PINX1: variants seen among roughly 807,000 people sequenced by gnomAD.
The protein encoded by PINX1 is PIN2/TERF1-interacting telomerase inhibitor 1.
PINX1 carries 34 observed loss-of-function variants against 25.4 expected under a neutral mutation model. The ratio of observed to expected loss-of-function variants is 1.34; its 90% CI spans 1.02 to 1.78. The LOEUF (loss-of-function observed/expected upper bound fraction) is 1.78. PINX1 is among the 40% of genes most tolerant of loss of function. The pLI, the probability that PINX1 is intolerant of heterozygous loss-of-function variation, is 0.00. For missense variants in PINX1, 592 were observed against 404.9 expected, an observed-to-expected ratio of 1.46 and a Z score of -3.97; for synonymous variants, 197 against 147.7, an observed-to-expected ratio of 1.33 and a Z score of -2.42.
chr8:10,803,290 C>T (rs998977701), intron 6 of PINX1, among the ~76,000 whole-genome samples: 2 of 152,210 alleles, frequency 1.3e-5, no homozygotes, highest in African/African-American at 4.8e-5. Context: ...AATTTCCTTA[C>T]ACAATCACAG....
intron 2 of PINX1, among the ~76,000 whole-genome samples, chr8:10,834,024 T>C (rs1178549578): frequency 1.3e-5 from 2 of 152,074 alleles, no homozygotes; most frequent in African/African-American, 4.8e-5. Context: ...TATAGAAAAA[T>C]GACAGTTCCC....
At chr8:10,785,182 A>G (rs185466048) in intron 6 of PINX1, among the ~76,000 whole-genome samples, 1 of 152,358 alleles carries the variant, frequency 6.6e-6, no homozygotes, top group East Asian at 1.9e-4. Flanking sequence ...ATTATATAAG[A>G]TTACAATTTA....
chr8:10,825,957 C>T (rs149080761), intron 5 of PINX1, among the ~76,000 whole-genome samples, 195 bp downstream of exon 5: 1 of 152,356 alleles, frequency 6.6e-6, no homozygotes, highest in East Asian at 1.9e-4. Context: ...CATCTCAGAT[C>T]TCCTAGATCT....
chr8:10,831,436 A>C (rs1260439421), intron 4 of PINX1, among the ~76,000 whole-genome samples: 1 of 152,238 alleles, frequency 6.6e-6, no homozygotes, highest in African/African-American at 2.4e-5. Context: ...AGAAGAACAG[A>C]TTTTAAATGC....
chr8:10,780,864 A>G (rs1336660055), intron 6 of PINX1, among the ~76,000 whole-genome samples: 3 of 152,226 alleles, frequency 2.0e-5, no homozygotes, highest in African/African-American at 7.2e-5. Flanking sequence ...TCTAAAATCC[A>G]CATGGAACCA....
intron 6 of PINX1, among the ~76,000 whole-genome samples, chr8:10,810,624 C>T (rs1378616743): frequency 1.3e-5 from 2 of 152,150 alleles, no homozygotes; most frequent in Non-Finnish European, 2.9e-5. Context: ...ACGGGGATCC[C>T]AGTCTCCTAA....
rs74924075 is a variant in PINX1, at chr8:10,803,364, G to C, written c.471+16829C>G. ...TGGCATCTAATGCGATCTATCATCAGTTTCCTCACCAGCTCATGGACGTCT... is the reference window on the plus strand; with the variant it reads ...TGGCATCTAATGCGATCTATCATCACTTTCCTCACCAGCTCATGGACGTCT... On this transcript the variant is annotated intron_variant, in intron 6 of 6. Coordinates refer to ENST00000314787, the MANE Select transcript of PINX1 (RefSeq NM_017884.6). Among the ~76,000 whole-genome samples the C allele has an allele frequency of 1.1e-3, 172 of 152,300 alleles. 2 individuals are homozygous for C. The East Asian group carries it at 0.029, about 26-fold the overall frequency.
intron 6 of PINX1, among the ~76,000 whole-genome samples, chr8:10,818,959 T>A (rs989203986): frequency 2.6e-5 from 4 of 151,976 alleles, no homozygotes; most frequent in African/African-American, 9.7e-5. Context: ...AGGGCAGAGG[T>A]ACAACCAGAA....
At chr8:10,780,076 C>T (rs915143713) in intron 6 of PINX1, among the ~76,000 whole-genome samples, 1 of 152,168 alleles carries the variant, frequency 6.6e-6, no homozygotes, top group Admixed American at 6.5e-5. Flanking sequence ...ATCATGTATC[C>T]TGCAACTTTA....
At chr8:10,783,003 C>A (rs1219183063) in intron 6 of PINX1, among the ~76,000 whole-genome samples, 1 of 151,994 alleles carries the variant, frequency 6.6e-6, no homozygotes, top group Non-Finnish European at 1.5e-5. Context: ...AACACACATT[C>A]CAAATTTCAT....
intron 6 of PINX1, among the ~76,000 whole-genome samples, chr8:10,776,421 C>CTCAA (rs1801396417): frequency 8.5e-6 from 1 of 117,730 alleles, no homozygotes; most frequent in African/African-American, 3.5e-5. Context: ...TGAGACTCCG[C>CTCAA]TCAATAAATA....
chr8:10,792,660 G>A (rs142306355), intron 6 of PINX1, among the ~76,000 whole-genome samples: 1,840 of 152,202 alleles, frequency 0.012, 12 homozygotes, highest in Non-Finnish European at 0.018. Context: ...ACACGCCGCC[G>A]GTACTCTGGC....
At chr8:10,810,746 C>G (rs970375541) in intron 6 of PINX1, among the ~76,000 whole-genome samples, 1 of 152,200 alleles carries the variant, frequency 6.6e-6, no homozygotes, top group Admixed American at 6.5e-5. Flanking sequence ...CTGCAGAGAA[C>G]ATGGTATTAG....
intron 6 of PINX1, among the ~76,000 whole-genome samples, chr8:10,782,129 T>C (rs1364044421): frequency 6.6e-6 from 1 of 152,098 alleles, no homozygotes; most frequent in Non-Finnish European, 1.5e-5. Flanking sequence ...TAAGATGGAA[T>C]AGAAATAGAG....
At chr8:10,772,835 G>A (rs564120376) in intron 6 of PINX1, among the ~76,000 whole-genome samples, 3 of 152,300 alleles carry the variant, frequency 2.0e-5, no homozygotes, top group African/African-American at 7.2e-5. Flanking sequence ...AGAACCTGTG[G>A]CATGTATTAG....
At chr8:10,823,394 A>ACTGCTCTC (rs1159555610) in intron 5 of PINX1, among the ~76,000 whole-genome samples, 5 of 152,148 alleles carry the variant, frequency 3.3e-5, no homozygotes, top group African/African-American at 1.2e-4. Flanking sequence ...GGGAGGAAGC[A>ACTGCTCTC]CTGCTCTCCT....
intron 5 of PINX1, among the ~76,000 whole-genome samples, chr8:10,824,279 C>T (rs922093341): frequency 3.3e-5 from 5 of 152,142 alleles, no homozygotes; most frequent in Non-Finnish European, 7.4e-5. Flanking sequence ...ATAGTCCACC[C>T]TAGAGGAAAC....
At chr8:10,775,056 A>G (rs1563202967) in intron 6 of PINX1, among the ~76,000 whole-genome samples, 1 of 152,230 alleles carries the variant, frequency 6.6e-6, no homozygotes, top group Non-Finnish European at 1.5e-5. Flanking sequence ...ATTCTACTCA[A>G]GAAAAACCCT....
At chr8:10,830,586 AAT>A (rs1380298080) in intron 4 of PINX1, among the ~76,000 whole-genome samples, 6 of 152,386 alleles carry the variant, frequency 3.9e-5, no homozygotes, top group African/African-American at 1.2e-4. Flanking sequence ...ACACACAAGG[AAT>A]AGACTGTTCA....
Sources: allele counts gnomAD v4.1 joint callset (sites outside exome capture counted in the v4.1 genomes callset), GRCh38; gene constraint gnomAD v4.1.1; transcripts MANE v1.5; gene names NCBI Gene and HGNC (gene_info 2026-07-23, HGNC 2026-07-21).